Variants in SORCS3 observed in about 807,000 individuals in gnomAD.
SORCS3 encodes sortilin related VPS10 domain containing receptor 3.
SORCS3 carries 57 observed loss-of-function variants against 146.3 expected under a neutral mutation model. The observed-to-expected ratio is 0.39, with a 90% confidence interval of 0.31 to 0.49. The LOEUF is 0.49. Among genes scored for constraint, SORCS3 ranks in the 20% least tolerant of loss-of-function variants. SORCS3 has a pLI of 0.92. For synonymous variants in SORCS3, 653 were observed against 618.5 expected (o/e 1.06, Z -0.83); for missense variants, 1,341 against 1,575.5 (o/e 0.85, Z 2.52).
intron 20 of SORCS3, among the ~76,000 whole-genome samples, chr10:105,226,687 A>T (rs1258997255): frequency 1.3e-5 from 2 of 151,778 alleles, no homozygotes; most frequent in Non-Finnish European, 2.9e-5. Context: ...ATCTGATCAT[A>T]GACTTTTCTT....
intron 4 of SORCS3, among the ~76,000 whole-genome samples, chr10:105,011,820 G>A (rs987068482): frequency 1.3e-5 from 2 of 152,102 alleles, no homozygotes; most frequent in African/African-American, 4.8e-5. Context: ...TTGGCACTTG[G>A]GTACATCATG....
At chr10:105,037,316 G>A (rs2055313154) in intron 4 of SORCS3, among the ~76,000 whole-genome samples, 1 of 152,188 alleles carries the variant, frequency 6.6e-6, no homozygotes, top group East Asian at 1.9e-4. Context: ...TCCTGGCAGG[G>A]GGTGTGAGAT....
At chr10:105,168,661 T>C (rs1252171103) in intron 13 of SORCS3, among the ~76,000 whole-genome samples, 3 of 152,162 alleles carry the variant, frequency 2.0e-5, no homozygotes, top group Admixed American at 2.0e-4. Flanking sequence ...AATTCCCTAA[T>C]GCCAAATCCA....
At chr10:104,914,576 T>C (rs1231116209) in intron 2 of SORCS3, among the ~76,000 whole-genome samples, 1 of 152,132 alleles carries the variant, frequency 6.6e-6, no homozygotes, top group Non-Finnish European at 1.5e-5. Context: ...CGGGCTGATG[T>C]GATGCTATGA....
At chr10:105,226,393 C>T (rs1052409919) in intron 20 of SORCS3, among the ~76,000 whole-genome samples, 6 of 151,968 alleles carry the variant, frequency 3.9e-5, no homozygotes, top group Admixed American at 3.9e-4. Context: ...ACTTGCATCC[C>T]TGGGATAAAT....
At chr10:105,132,643 A>G (rs1372219508) in intron 7 of SORCS3, among the ~76,000 whole-genome samples, 7 of 152,190 alleles carry the variant, frequency 4.6e-5, no homozygotes, top group Admixed American at 4.6e-4. Flanking sequence ...GGTCACAGCA[A>G]GAGCGGGAAC....
intron 20 of SORCS3, among the ~76,000 whole-genome samples, chr10:105,226,759 T>A (rs1022504965): frequency 6.6e-6 from 1 of 151,996 alleles, no homozygotes; most frequent in Non-Finnish European, 1.5e-5. Flanking sequence ...GTAATCAGGC[T>A]TTCTATTTCT....
At chr10:105,004,474 G>T (rs1340497838) in intron 4 of SORCS3, among the ~76,000 whole-genome samples, 2 of 152,138 alleles carry the variant, frequency 1.3e-5, no homozygotes, top group Non-Finnish European at 2.9e-5. Flanking sequence ...GGGGTAGGGG[G>T]TACCGAACAG....
rs1378749190 is a variant in SORCS3, at chr10:105,009,538, A to C, written c.954+32045A>C. Among the ~76,000 whole-genome samples the C allele has an allele frequency of 5.9e-5, 9 of 151,364 alleles. No homozygotes were observed. The South Asian group carries it at 8.3e-4, about 14-fold the overall frequency. On this transcript the variant is annotated intron_variant, in intron 4 of 26. Coordinates refer to ENST00000369701, the MANE Select transcript of SORCS3 (RefSeq NM_014978.3). ...AACAAACAAACAAACAAAAAAAAAA[A>C]AAAAAAAAAAAAACCCCAAAAACTG...
chr10:104,680,390 G>A (rs957270796), intron 1 of SORCS3, among the ~76,000 whole-genome samples: 4 of 152,220 alleles, frequency 2.6e-5, no homozygotes, highest in Admixed American at 6.5e-5. Flanking sequence ...CCTGCCTTCA[G>A]TGCATCTTTT....
intron 1 of SORCS3, among the ~76,000 whole-genome samples, chr10:104,717,883 G>A (rs1458692863): frequency 1.3e-5 from 2 of 152,286 alleles, no homozygotes; most frequent in African/African-American, 4.8e-5. Context: ...GCTCACGCCT[G>A]TAATCCCAGC....
At chr10:105,230,666 G>A (rs560595494) in intron 20 of SORCS3, among the ~76,000 whole-genome samples, 1 of 152,290 alleles carries the variant, frequency 6.6e-6, no homozygotes, top group Admixed American at 6.5e-5. Context: ...GATGCTGGTG[G>A]CAAGTGTGAT....
intron 5 of SORCS3, among the ~76,000 whole-genome samples, chr10:105,050,375 T>C (rs1471107593): frequency 6.6e-6 from 1 of 152,088 alleles, no homozygotes; most frequent in Non-Finnish European, 1.5e-5. Flanking sequence ...TTCTCATGCT[T>C]ACTTGCTCAA....
At chr10:105,261,140 C>G (rs2056957985) in intron 25 of SORCS3, among the ~76,000 whole-genome samples, 1 of 152,114 alleles carries the variant, frequency 6.6e-6, no homozygotes, top group African/African-American at 2.4e-5. Flanking sequence ...GACAGAAAGA[C>G]AGAAAACAAG....
chr10:105,071,029 G>C (rs1478217189), intron 5 of SORCS3, among the ~76,000 whole-genome samples: 1 of 151,630 alleles, frequency 6.6e-6, no homozygotes, highest in Non-Finnish European at 1.5e-5. Flanking sequence ...CAGTCCAGTT[G>C]GGATGAGCTA....
At chr10:104,815,321 C>T (rs578047568) in intron 1 of SORCS3, among the ~76,000 whole-genome samples, 17 of 151,706 alleles carry the variant, frequency 1.1e-4, no homozygotes, top group African/African-American at 1.9e-4. Context: ...TGGTGGCACA[C>T]GCCTGTAGTT....
intron 1 of SORCS3, among the ~76,000 whole-genome samples, chr10:104,739,692 A>G (rs2016818135): frequency 6.6e-6 from 1 of 152,186 alleles, no homozygotes. Context: ...TCTGGCTCTG[A>G]AGATCCCCAG....
intron 15 of SORCS3, among the ~76,000 whole-genome samples, chr10:105,200,909 G>C (rs73352809): frequency 0.041 from 6,305 of 152,226 alleles, 468 homozygotes; most frequent in African/African-American, 0.14. Context: ...GTGGAGGGTA[G>C]AAGTGGGCCC....
intron 5 of SORCS3, among the ~76,000 whole-genome samples, chr10:105,043,413 C>A (rs746654451): frequency 2.0e-4 from 31 of 152,132 alleles, no homozygotes; most frequent in Non-Finnish European, 4.4e-4. Flanking sequence ...GCTTAAAGAG[C>A]TCTGTGAGAA....
Sources: gnomAD v4.1 joint callset for allele counts (sites outside exome capture counted in the v4.1 genomes callset) on GRCh38, gnomAD v4.1.1 for gene constraint, MANE v1.5 for transcripts, NCBI Gene and HGNC (gene_info 2026-07-23, HGNC 2026-07-21) for gene names.